The following CPNE1 variants were observed in gnomAD, a reference collection of about 807,000 sequenced individuals.
CPNE1 encodes copine 1, also known as copine-1.
Under a neutral mutation model 63.2 loss-of-function variants are expected in CPNE1, and 58 were observed. The observed-to-expected ratio is 0.92, with a 90% CI of 0.74 to 1.14. The LOEUF (loss-of-function observed/expected upper bound fraction) is 1.14, where lower values mean the gene tolerates loss of function less well. Ranked by LOEUF, CPNE1 falls within the 50% of genes most tolerant of loss-of-function variation. The pLI, the probability that CPNE1 is intolerant of heterozygous loss-of-function variation, is 0.00. For missense variants in CPNE1, 672 were observed against 661.7 expected, an observed-to-expected ratio of 1.02 and a Z score of -0.17; for synonymous variants, 237 against 249.0, an observed-to-expected ratio of 0.95 and a Z score of 0.45.
At position 35,631,357 on chromosome 20, in the gene CPNE1, G is replaced by A; in HGVS notation, c.715-3C>T. Reference sequence around the variant, plus strand: ...GGGTGGATGCATTCAAACTCAGCCTGGTGAGGACAGAAAAATTAGGGTAGG... The same window carrying A: ...GGGTGGATGCATTCAAACTCAGCCTAGTGAGGACAGAAAAATTAGGGTAGG... On this transcript the variant is annotated splice_polypyrimidine_tract_variant and splice_region_variant and intron_variant, in intron 8 of 15. Transcript: ENST00000397443. The A allele has an allele frequency of 1.2e-6, 2 of 1,613,940 alleles. No homozygotes were observed. The highest frequency in any genetic ancestry group is 1.3e-5 in the African/African-American group (1 of 74,998).
chr20:35,664,730 C>T (rs1280906579), intron 1 of CPNE1, 30 bp downstream of exon 1: 1 of 152,346 alleles, frequency 6.6e-6, no homozygotes, highest in African/African-American at 2.4e-5. Context: ...CCGCACAGCC[C>T]CACCCGTTCA....
At chr20:35,654,557 G>A (rs775631163) in intron 1 of CPNE1, 1 of 1,614,214 alleles carries the variant, frequency 6.2e-7, no homozygotes, top group Admixed American at 1.7e-5. Flanking sequence ...ATTCCAGCAG[G>A]TAGAGGTGCC....
At position 35,626,341 on chromosome 20, in the gene CPNE1, A is replaced by C. The variant is rs1481756971; in HGVS notation, c.1514T>G (p.Val505Gly). 1.2e-6 allele frequency: 2 copies of C among 1,613,994 alleles called. No homozygotes were observed. The highest frequency in any genetic ancestry group is 2.7e-5 in the African/African-American group (2 of 74,886). Residue 505 changes from valine (V) to glycine (G), a missense_variant, in exon 16 of 16, where the codon GTG becomes GGG. Transcript: ENST00000397443. ...GAAGTATGAGACCAGTTGTGTGGGC[A>C]CTTCTGCGAGCACGGTCTGTGCCAA... The part of the protein sequence containing the change: ...EALAQTVLAE[V>G]PTQLVSYFRA...
At chr20:35,634,558 T>C (rs1205363043) in intron 1 of CPNE1, among the ~76,000 whole-genome samples, 3 of 151,432 alleles carry the variant, frequency 2.0e-5, no homozygotes, top group Non-Finnish European at 1.5e-5. Context: ...CGCGCCACCG[T>C]ACTCCAGCCT....
At chr20:35,661,285 T>C (rs1488028819) in intron 1 of CPNE1, among the ~76,000 whole-genome samples, 4 of 152,192 alleles carry the variant, frequency 2.6e-5, no homozygotes, top group Non-Finnish European at 5.9e-5. Flanking sequence ...AACATAAGTG[T>C]CACTGTTTTC....
In CPNE1 at chr20:35,641,919, G is replaced by C. The variant is rs763414847; in HGVS notation, c.1-8996C>G. 3.0e-4 allele frequency among the ~76,000 whole-genome samples: 45 copies of C among 152,238 alleles called. 1 individual carries two copies. Among genetic ancestry groups the C allele is most frequent in the Non-Finnish European group, 4.6e-4 (31 of 68,040 alleles). On this transcript the variant is annotated intron_variant, in intron 1 of 15. Coordinates refer to ENST00000397443, the MANE Select transcript of CPNE1 (RefSeq NM_152925.3). ...GTGCTGGCGCAAGCTTGTATGGCTT[G>C]CAAGAGCCAACTGTTACATATCAGG...
At chr20:35,655,081 T>G in intron 1 of CPNE1, 1 of 1,614,202 alleles carries the variant, frequency 6.2e-7, no homozygotes, top group Non-Finnish European at 8.5e-7. Context: ...TTCAATCATA[T>G]TCTGCATTTC....
At position 35,630,442 on chromosome 20, in the gene CPNE1, C is replaced by A; in HGVS notation, c.1099G>T (p.Ala367Ser). The part of the protein sequence containing the change: ...LNFNPSNPYC[A>S]GIQGIVDAYR... ...CAGGGTGGATGGGGAAACTTACCTG[C>A]ACAGTAGGGGTTACTGGGGTTGAAA... is the stretch of plus-strand genomic sequence containing the variant. Residue 367 changes from alanine to serine, a missense_variant, in exon 13 of 16, where the codon GCA (alanine) becomes TCA (serine). Physicochemically the swap from Ala to Ser is moderately conservative, Grantham distance 99 (BLOSUM62 1). Transcript: ENST00000397443. 1 of 1,614,122 alleles carries A rather than the reference C, an allele frequency of 6.2e-7. No individual in the cohort carries two copies. Among genetic ancestry groups the A allele is most frequent in the African/African-American group, 1.3e-5 (1 of 75,042 alleles).
At chr20:35,653,502 T>G (rs1255068724) in intron 1 of CPNE1, 1 of 1,614,270 alleles carries the variant, frequency 6.2e-7, no homozygotes, top group Admixed American at 1.7e-5. Flanking sequence ...CATTAAGTTT[T>G]TTACGGTGTA....
intron 1 of CPNE1, among the ~76,000 whole-genome samples, chr20:35,663,612 C>T (rs1021136962): frequency 6.6e-6 from 1 of 152,086 alleles, no homozygotes; most frequent in Non-Finnish European, 1.5e-5. Context: ...TTTTAGGGCC[C>T]AGAAATCTCT....
chr20:35,647,819 C>A (rs1490597045), intron 1 of CPNE1, among the ~76,000 whole-genome samples: 1 of 151,206 alleles, frequency 6.6e-6, no homozygotes, highest in Non-Finnish European at 1.5e-5. Flanking sequence ...CTTTGGGAGG[C>A]CGAGGTGGGC....
chr20:35,633,907 C>G (rs1043338606), intron 1 of CPNE1, among the ~76,000 whole-genome samples: 1 of 116,994 alleles, frequency 8.5e-6, no homozygotes, highest in Non-Finnish European at 1.8e-5. Context: ...TGCAGTGAGC[C>G]GAGACTGTGC....
chr20:35,653,294 G>A (rs1568934986), intron 1 of CPNE1: 1 of 1,613,774 alleles, frequency 6.2e-7, no homozygotes, highest in Non-Finnish European at 8.5e-7. Context: ...GAACCAGGCA[G>A]TCCTGTGCTG....
chr20:35,628,698 A>G (rs556395149), intron 13 of CPNE1, among the ~76,000 whole-genome samples: 6 of 152,370 alleles, frequency 3.9e-5, no homozygotes, highest in African/African-American at 1.4e-4. Context: ...ATATAAAAAG[A>G]TATGTGCTAA....
intron 1 of CPNE1, chr20:35,652,410 C>T: frequency 8.0e-7 from 1 of 1,249,028 alleles, no homozygotes; most frequent in Non-Finnish European, 1.1e-6. Flanking sequence ...GGAAACCAAG[C>T]TATATGCAAT....
chr20:35,643,020 A>G (rs1280354612), intron 1 of CPNE1: 1 of 152,290 alleles, frequency 6.6e-6, no homozygotes, highest in African/African-American at 2.4e-5. Flanking sequence ...AGGCTTATCC[A>G]AAAGTTGAAC....
chr20:35,631,376 G>A, intron 8 of CPNE1, 22 bp from the exon 9 acceptor site: 2 of 1,612,862 alleles, frequency 1.2e-6, no homozygotes, highest in Non-Finnish European at 1.7e-6. Context: ...AGAAAAATTA[G>A]GGTAGGAAAT....
rs2033941321 is a variant in CPNE1 at position 35,656,998 on chromosome 20, G to T, written c.-1+7762C>A. ...TATAAATACTAATGCAACAAAATCT[G>T]TAATTATATCTCAATATTACAACTG... On this transcript the variant is annotated intron_variant, in intron 1 of 15. Transcript: ENST00000397443. Among the ~76,000 whole-genome samples the T allele has an allele frequency of 3.3e-5, 5 of 152,150 alleles. No homozygotes were observed. The South Asian group carries it at 1.0e-3, about 31-fold the overall frequency.
chr20:35,630,641 T>C (rs2032061495), intron 12 of CPNE1, 100 bp downstream of exon 12: 1 of 1,499,308 alleles, frequency 6.7e-7, no homozygotes, highest in Non-Finnish European at 9.3e-7. Flanking sequence ...CTGCATCTCC[T>C]CTTAAAGCTG....
Sources: allele counts gnomAD v4.1 joint callset (sites outside exome capture counted in the v4.1 genomes callset), GRCh38; gene constraint gnomAD v4.1.1; transcripts MANE v1.5; gene names NCBI Gene and HGNC (gene_info 2026-07-23, HGNC 2026-07-21).